The following AKT3 variants were observed in gnomAD, a reference collection of about 807,000 sequenced individuals.
AKT3 encodes RAC-gamma serine/threonine-protein kinase.
Under a neutral mutation model 65.3 loss-of-function variants are expected in AKT3, and 15 were observed. The observed-to-expected ratio is 0.23, with a 90% confidence interval of 0.15 to 0.35. AKT3 has a LOEUF of 0.35. Among genes scored for constraint, AKT3 ranks in the 10% least tolerant of loss-of-function variants. AKT3 has a pLI of 1.00. For synonymous variants in AKT3, 206 were observed against 183.8 expected, an observed-to-expected ratio of 1.12 and a Z score of -0.98; for missense variants, 243 against 576.5, an observed-to-expected ratio of 0.42 and a Z score of 5.92.
chr1:243,691,400 T>C (rs148547458), intron 3 of AKT3, among the ~76,000 whole-genome samples: 4 of 152,306 alleles, frequency 2.6e-5, no homozygotes, highest in East Asian at 1.9e-4. Context: ...GGGAATGGCA[T>C]AGTTATGATA....
At chr1:243,512,242 AGT>A (rs1670061665) in intron 13 of AKT3, 80 bp downstream of exon 13, 3 of 691,460 alleles carry the variant, frequency 4.3e-6, no homozygotes, top group Non-Finnish European at 7.0e-6. Flanking sequence ...ATATCAGATG[AGT>A]TTTTAAAAGA....
intron 8 of AKT3, among the ~76,000 whole-genome samples, chr1:243,602,006 C>A (rs1032518349): frequency 1.3e-5 from 2 of 152,162 alleles, no homozygotes; most frequent in Non-Finnish European, 2.9e-5. Context: ...CATGCTCTGC[C>A]ATAACCACAT....
chr1:243,787,985 A>G (rs1691369707), intron 2 of AKT3, among the ~76,000 whole-genome samples: 1 of 152,228 alleles, frequency 6.6e-6, no homozygotes, highest in Non-Finnish European at 1.5e-5. Context: ...AAAGCTTGGA[A>G]AACCTTGCAA....
At chr1:243,516,864 A>G (rs1166576347) in intron 12 of AKT3, among the ~76,000 whole-genome samples, 1 of 152,220 alleles carries the variant, frequency 6.6e-6, no homozygotes, top group Non-Finnish European at 1.5e-5. Context: ...CTGAGATTAT[A>G]GTTGTGAGCT....
intron 6 of AKT3, among the ~76,000 whole-genome samples, chr1:243,616,307 TAAAAAAAA>T (rs57576796): frequency 1.5e-5 from 1 of 66,754 alleles, no homozygotes; most frequent in Non-Finnish European, 2.6e-5. Flanking sequence ...GTGCTTTTCT[TAAAAAAAA>T]AAAAAAAAAA....
chr1:243,514,397 T>G (rs1216479116), intron 12 of AKT3, among the ~76,000 whole-genome samples: 1 of 152,202 alleles, frequency 6.6e-6, no homozygotes, highest in African/African-American at 2.4e-5. Context: ...TAGTCTCTGT[T>G]TCAAATGCCA....
At chr1:243,735,250 CT>C (rs1687776510) in intron 2 of AKT3, 1 of 152,228 alleles carries the variant, frequency 6.6e-6, no homozygotes, top group Admixed American at 6.5e-5. Flanking sequence ...ATGTGCTACA[CT>C]TTTGTACAAA....
intron 11 of AKT3, among the ~76,000 whole-genome samples, chr1:243,545,902 C>T (rs1254588112): frequency 6.6e-6 from 1 of 152,162 alleles, no homozygotes; most frequent in Non-Finnish European, 1.5e-5. Context: ...TCAGTTTTCT[C>T]ATCTGCAGAG....
At chr1:243,672,198 G>A (rs1156856723) in intron 3 of AKT3, among the ~76,000 whole-genome samples, 1 of 152,140 alleles carries the variant, frequency 6.6e-6, no homozygotes, top group Non-Finnish European at 1.5e-5. Context: ...GTTTCTCCAG[G>A]TAGGAGTAAC....
chr1:243,563,717 T>C lies in AKT3; in HGVS notation c.948+3A>G, dbSNP rs2148488034. On this transcript the variant is annotated splice_donor_region_variant and intron_variant, in intron 10 of 13. Transcript: ENST00000673466. ...CTTTCCTATTAATGGAACCGAAGCC[T>C]ACCTCTGGTGCCAGATATTCTGGAG... The C allele has an allele frequency of 6.3e-7, 1 of 1,599,252 alleles. No individual in the cohort carries two copies. The highest frequency in any genetic ancestry group is 1.1e-5 in the South Asian group (1 of 87,652).
chr1:243,778,898 T>C (rs901490747), intron 2 of AKT3, among the ~76,000 whole-genome samples: 22 of 151,022 alleles, frequency 1.5e-4, no homozygotes, highest in African/African-American at 5.4e-4. Context: ...TGATTTTCCA[T>C]ATAAATACTA....
At chr1:243,803,380 T>G (rs1473822833) in intron 2 of AKT3, among the ~76,000 whole-genome samples, 2 of 152,126 alleles carry the variant, frequency 1.3e-5, no homozygotes, top group Non-Finnish European at 2.9e-5. Flanking sequence ...TTGTTTTGTT[T>G]CTTTTTGTTA....
intron 3 of AKT3, among the ~76,000 whole-genome samples, chr1:243,683,672 G>T (rs187525062): frequency 6.6e-6 from 1 of 152,226 alleles, no homozygotes; most frequent in Admixed American, 6.5e-5. Flanking sequence ...GGGGAAGGCA[G>T]ATACAGAGGA....
intron 2 of AKT3, among the ~76,000 whole-genome samples, chr1:243,760,282 CTTTTTTTTTTTT>C (rs58733457): frequency 1.2e-5 from 1 of 80,914 alleles, no homozygotes; most frequent in Non-Finnish European, 2.1e-5. Flanking sequence ...CTATATCTGG[CTTTTTTTTTTTT>C]TTTTTTTTTT....
intron 8 of AKT3, among the ~76,000 whole-genome samples, chr1:243,599,892 A>C (rs1676889247): frequency 6.6e-6 from 1 of 152,102 alleles, no homozygotes; most frequent in African/African-American, 2.4e-5. Context: ...CTTTGTTCTC[A>C]CCTGACATGA....
chr1:243,775,782 C>T (rs1294447804), intron 2 of AKT3, among the ~76,000 whole-genome samples: 1 of 152,098 alleles, frequency 6.6e-6, no homozygotes, highest in Admixed American at 6.5e-5. Context: ...CAGAACTTTA[C>T]AAAATCCAGC....
chr1:243,598,211 A>C (rs907223181), intron 8 of AKT3, among the ~76,000 whole-genome samples: 1 of 152,170 alleles, frequency 6.6e-6, no homozygotes, highest in Non-Finnish European at 1.5e-5. Context: ...CTCTCAAAAA[A>C]TTATAAGAAA....
intron 2 of AKT3, among the ~76,000 whole-genome samples, chr1:243,758,554 T>A (rs1238901074): frequency 6.6e-6 from 1 of 152,102 alleles, no homozygotes; most frequent in Non-Finnish European, 1.5e-5. Flanking sequence ...GTCCCCAACC[T>A]TTCTGGCACC....
In AKT3 at chr1:243,504,231, ATAC is replaced by A. The variant is rs1427990594; in HGVS notation, c.*1015_*1017del. 6.1e-5 allele frequency: 13 copies of A among 212,436 alleles called. No individual in the cohort carries two copies. Among genetic ancestry groups the A allele is most frequent in the Middle Eastern group, 1.5e-3 (1 of 684 alleles). 13.2% of individuals were successfully genotyped at this position (212,436 alleles called of 1,614,324 possible). On this transcript the variant is annotated 3_prime_UTR_variant, in exon 14 of 14. Coordinates refer to ENST00000673466, the MANE Select transcript of AKT3 (RefSeq NM_005465.7). ...TACAATTCTCATCACTAAAAAATAA[ATAC>A]TACTGCAATATAAACAAAATCATAA...
Sources: gnomAD v4.1 joint callset for allele counts (sites outside exome capture counted in the v4.1 genomes callset) on GRCh38, gnomAD v4.1.1 for gene constraint, MANE v1.5 for transcripts, NCBI Gene and HGNC (gene_info 2026-07-23, HGNC 2026-07-21) for gene names.